Variants in PALLD observed in about 807,000 individuals in gnomAD.
The protein encoded by PALLD is palladin.
In PALLD, 61 loss-of-function variants were observed where a neutral mutation model predicts 123.5. The ratio of observed to expected loss-of-function variants is 0.49; its 90% confidence interval spans 0.40 to 0.61. PALLD has a LOEUF of 0.61. Ranked by LOEUF, PALLD falls within the 20% of genes least tolerant of loss-of-function variation. The probability of loss-of-function intolerance (pLI) is 0.00; values close to 1 mark genes in which losing one functional copy is unlikely to be tolerated. For missense variants in PALLD, 1,273 were observed against 1,377.0 expected, an observed-to-expected ratio of 0.92 and a Z score of 1.20; for synonymous variants, 465 against 496.4, an observed-to-expected ratio of 0.94 and a Z score of 0.84.
intron 2 of PALLD, among the ~76,000 whole-genome samples, chr4:168,548,568 G>C (rs984534012): frequency 9.2e-5 from 14 of 152,162 alleles, no homozygotes; most frequent in African/African-American, 3.4e-4. Flanking sequence ...AGATGAGAGA[G>C]TCTGGCGAAA....
chr4:168,761,645 GTTTTTTTTTTTTTTTTTT>G (rs70961555), intron 10 of PALLD, among the ~76,000 whole-genome samples: 8 of 88,022 alleles, frequency 9.1e-5, no homozygotes, highest in Admixed American at 3.2e-4. Flanking sequence ...GTTGTTGTTT[GTTTTTTTTTTTTTTTTTT>G]TTTTTTTTTT....
intron 3 of PALLD, among the ~76,000 whole-genome samples, chr4:168,675,156 T>C (rs934427614): frequency 2.0e-5 from 3 of 152,194 alleles, no homozygotes; most frequent in African/African-American, 7.2e-5. Context: ...AATAGCTTTA[T>C]GAGCTCCGAA....
intron 2 of PALLD, among the ~76,000 whole-genome samples, chr4:168,620,677 G>A (rs1245420146): frequency 6.6e-6 from 1 of 152,064 alleles, no homozygotes; most frequent in Admixed American, 6.6e-5. Flanking sequence ...TAGTCTGTGC[G>A]GCCAGCCTCA....
chr4:168,614,366 C>G (rs1188132972), intron 2 of PALLD, among the ~76,000 whole-genome samples: 1 of 152,190 alleles, frequency 6.6e-6, no homozygotes, highest in Non-Finnish European at 1.5e-5. Flanking sequence ...ACAACAGCTC[C>G]CAGCTCAAGA....
intron 2 of PALLD, among the ~76,000 whole-genome samples, chr4:168,532,184 G>T (rs180887706): frequency 6.6e-6 from 1 of 152,112 alleles, no homozygotes; most frequent in Admixed American, 6.6e-5. Context: ...GAGAAGGTGC[G>T]GTATTTGGTT....
intron 10 of PALLD, among the ~76,000 whole-genome samples, chr4:168,739,512 G>A (rs1301089937): frequency 6.6e-6 from 1 of 152,182 alleles, no homozygotes; most frequent in African/African-American, 2.4e-5. Flanking sequence ...AGAATAGGGT[G>A]ACCATAGTTA....
At chr4:168,863,121 C>T (rs915916567) in intron 10 of PALLD, among the ~76,000 whole-genome samples, 1 of 152,124 alleles carries the variant, frequency 6.6e-6, no homozygotes, top group African/African-American at 2.4e-5. Context: ...TACGCCATTA[C>T]AGTGTATGAA....
chr4:168,564,434 G>A (rs1768171209), intron 2 of PALLD, among the ~76,000 whole-genome samples: 2 of 152,178 alleles, frequency 1.3e-5, no homozygotes, highest in African/African-American at 4.8e-5. Context: ...TCTGTTCAGT[G>A]TCTATGACAT....
In PALLD at chr4:168,680,495, A is replaced by C. The variant is rs867528152; in HGVS notation, c.1088-837A>C. ...AGATTCCGTCTCAAAAAAAAAAAAA[A>C]AAAAAAAAAAAAAAACACTTATCTG... On this transcript the variant is annotated intron_variant, in intron 3 of 21. Transcript: ENST00000505667. Among the ~76,000 whole-genome samples the C allele has an allele frequency of 1.8e-3, 242 of 133,914 alleles. 1 individual carries two copies. Among genetic ancestry groups the C allele is most frequent in the African/African-American group, 4.0e-3 (135 of 34,038 alleles). 87.9% of individuals were successfully genotyped at this position (133,914 alleles called of 152,430 possible). A position where few individuals can be genotyped will look rare whatever the true frequency, so the allele number is the denominator to read the frequency against.
At chr4:168,821,027 A>G (rs1742641816) in intron 10 of PALLD, among the ~76,000 whole-genome samples, 1 of 152,208 alleles carries the variant, frequency 6.6e-6, no homozygotes. Flanking sequence ...AGTATGGAAA[A>G]AGATTTAGCA....
At chr4:168,543,483 G>A (rs918218171) in intron 2 of PALLD, among the ~76,000 whole-genome samples, 8 of 151,510 alleles carry the variant, frequency 5.3e-5, no homozygotes, top group South Asian at 2.1e-4. Flanking sequence ...TTCTGCCTCC[G>A]CCACAGTTGT....
At chr4:168,903,589 C>A (rs573170490) in intron 14 of PALLD, among the ~76,000 whole-genome samples, 168 bp from the exon 15 acceptor site, 1 of 152,178 alleles carries the variant, frequency 6.6e-6, no homozygotes, top group East Asian at 1.9e-4. Context: ...TAAATTGTTA[C>A]CTGCCTTTTT....
intron 10 of PALLD, among the ~76,000 whole-genome samples, chr4:168,837,124 G>C (rs1038703691): frequency 6.6e-6 from 1 of 152,264 alleles, no homozygotes; most frequent in East Asian, 1.9e-4. Flanking sequence ...ACTGCAGAGC[G>C]ATGGGGAGGG....
Position 168,668,041 on chromosome 4 carries a change from G to A in PALLD, c.909-149G>A, listed in dbSNP as rs1779823095. 1.0e-5 allele frequency: 7 copies of A among 682,456 alleles called. No individual in the cohort carries two copies. In the Admixed American group the frequency reaches 1.1e-4, roughly 11 times the overall value. 42.3% of individuals were successfully genotyped at this position (682,456 alleles called of 1,614,324 possible). ...TTAATTTCACAGTCTAAATTGTAGAGTTTCCATTAGTAACACTGACATTGT... is the reference window on the plus strand; with the variant it reads ...TTAATTTCACAGTCTAAATTGTAGAATTTCCATTAGTAACACTGACATTGT... On this transcript the variant is annotated intron_variant, in intron 2 of 21. Coordinates refer to ENST00000505667, the MANE Select transcript of PALLD (RefSeq NM_001166108.2).
At position 168,512,396 on chromosome 4, in the gene PALLD, C is replaced by G. The variant is rs559742261; in HGVS notation, c.892C>G (p.Pro298Ala). 6.2e-7 allele frequency: 1 copy of G among 1,613,418 alleles called. No individual in the cohort carries two copies. Among genetic ancestry groups the G allele is most frequent in the African/African-American group, 1.3e-5 (1 of 75,034 alleles). Reference sequence around the variant, plus strand: ...TCTGGAGTGTAGAGTCACTGGAAACCCCACTCCTCGAGTCAGGTATGAATT... The same window carrying G: ...TCTGGAGTGTAGAGTCACTGGAAACGCCACTCCTCGAGTCAGGTATGAATT... ...VYLECRVTGN[P>A]TPRVRWFCEG... The change falls in exon 2 of 22, where the codon CCC (proline) becomes GCC (alanine). Residue 298 changes from proline (P) to alanine (A), a missense_variant. Coordinates refer to ENST00000505667, the MANE Select transcript of PALLD (RefSeq NM_001166108.2).
chr4:168,890,800 A>G (rs992713918), intron 10 of PALLD, 122 bp from the exon 11 acceptor site: 4 of 963,396 alleles, frequency 4.2e-6, no homozygotes, highest in Admixed American at 1.7e-5. Context: ...CAACAGATGT[A>G]GCATAAAAAA....
intron 2 of PALLD, among the ~76,000 whole-genome samples, chr4:168,572,491 C>T (rs1769096598): frequency 6.6e-6 from 1 of 152,046 alleles, no homozygotes; most frequent in Admixed American, 6.6e-5. Flanking sequence ...GGAACCTCCA[C>T]CTTTTGATTT....
rs148236743 is a variant in PALLD at position 168,582,541 on chromosome 4, G to A, written c.908+70129G>A. ...TTAGAGGAAAAGCTTTCATTTCTTC[G>A]CTGTTTATGATGTTAGCTATGGGCT... On this transcript the variant is annotated intron_variant, in intron 2 of 21. Transcript: ENST00000505667. Among the ~76,000 whole-genome samples, 153 of 152,056 alleles carry A rather than the reference G, an allele frequency of 1.0e-3. 1 individual carries two copies. The highest frequency in any genetic ancestry group is 6.8e-3 in the Middle Eastern group (2 of 294).
At chr4:168,774,033 A>G (rs1182001618) in intron 10 of PALLD, among the ~76,000 whole-genome samples, 1 of 149,564 alleles carries the variant, frequency 6.7e-6, no homozygotes, top group African/African-American at 2.5e-5. Flanking sequence ...GTCACATTTT[A>G]TGTGTCCCCT....
Sources: gnomAD v4.1 joint callset for allele counts (sites outside exome capture counted in the v4.1 genomes callset) on GRCh38, gnomAD v4.1.1 for gene constraint, MANE v1.5 for transcripts, NCBI Gene and HGNC (gene_info 2026-07-23, HGNC 2026-07-21) for gene names.